The following HEXD variants were observed in gnomAD, a reference collection of about 807,000 sequenced individuals.
The protein encoded by HEXD is N-acetyl-beta-galactosaminidase.
In HEXD, 47 loss-of-function variants were observed where a neutral mutation model predicts 54.2. That is an observed-to-expected ratio of 0.87 (90% CI 0.69 to 1.11). The LOEUF (loss-of-function observed/expected upper bound fraction) is 1.11, where lower values mean the gene tolerates loss of function less well. Among genes scored for constraint, HEXD ranks in the 50% least tolerant of loss-of-function variants. The pLI is 0.00. For missense variants in HEXD, 576 were observed against 649.2 expected (o/e 0.89, Z 1.23); for synonymous variants, 293 against 287.6 (o/e 1.02, Z -0.19).
intron 2 of HEXD, chr17:82,420,167 A>G (rs1223303220): frequency 3.8e-6 from 1 of 266,020 alleles, no homozygotes; most frequent in East Asian, 7.8e-5. Flanking sequence ...AGATATGTTC[A>G]AGTCTTAACC....
At chr17:82,441,121 C>A (rs1426479453) in intron 10 of HEXD, 44 bp from the exon 11 acceptor site, 1 of 1,613,508 alleles carries the variant, frequency 6.2e-7, no homozygotes, top group Non-Finnish European at 8.5e-7. Context: ...CCCTCCCCTT[C>A]CCCCGCCCGT....
intron 4 of HEXD, among the ~76,000 whole-genome samples, chr17:82,430,261 C>G (rs2053538556): frequency 6.6e-6 from 1 of 152,226 alleles, no homozygotes. Flanking sequence ...CGCCACAAAC[C>G]AGGTGGCTTA....
At chr17:82,438,193 A>G (rs1489924917) in intron 8 of HEXD, among the ~76,000 whole-genome samples, 3 of 145,152 alleles carry the variant, frequency 2.1e-5, no homozygotes, top group Admixed American at 2.0e-4. Flanking sequence ...AGCCAAGATC[A>G]CACCGCTGCA....
At chr17:82,423,390 G>C (rs1262233287) in intron 2 of HEXD, 1 of 152,288 alleles carries the variant, frequency 6.6e-6, no homozygotes, top group Non-Finnish European at 1.5e-5. Flanking sequence ...CCTAGCATGT[G>C]CCTGTAGTCC....
chr17:82,441,257 A>G lies in HEXD; in HGVS notation c.1154A>G (p.Glu385Gly). 6.8e-7 allele frequency: 1 copy of G among 1,479,844 alleles called. No individual in the cohort carries two copies. Among genetic ancestry groups the G allele is most frequent in the Non-Finnish European group, 9.1e-7 (1 of 1,099,406 alleles). The allele number at this position is 1,479,844 out of a possible 1,614,324, so 91.7% of individuals were successfully genotyped here. The change falls in exon 11 of 13, where the codon GAG becomes GGG. Residue 385 changes from glutamate to glycine, a missense_variant. By Grantham distance (98) the Glu-to-Gly change is moderately conservative (BLOSUM62 -2). Transcript: ENST00000327949. ...HLRSSVDALLEGNRYVTGWFS... is the reference protein window; with the variant it reads ...HLRSSVDALLGGNRYVTGWFS... ...CGCAGCTCTGTGGATGCGCTGCTGG[A>G]GGGCAACAGGTGAGCGTGTGGGTTA...
intron 9 of HEXD, 88 bp from the exon 10 acceptor site, chr17:82,440,909 C>A (rs2053923746): frequency 1.4e-6 from 2 of 1,462,190 alleles, no homozygotes; most frequent in South Asian, 2.3e-5. Context: ...CCGCCCACTG[C>A]CCCAGTACCT....
Position 82,437,271 on chromosome 17 carries a change from GCAC to G in HEXD, c.812_814del (p.His271del), listed in dbSNP as rs1319054515. ...CCAGCCAGGCCGTGCCCCCTGTTGA[GCAC>G]CACCTCAGGAACCACGTGCAGTGGC... On this transcript the variant is annotated inframe_deletion, in exon 8 of 13. Coordinates refer to ENST00000327949, the MANE Select transcript of HEXD (RefSeq NM_001330542.2). 3.2e-5 allele frequency: 51 copies of G among 1,612,314 alleles called. No homozygotes were observed. Among genetic ancestry groups the G allele is most frequent in the Non-Finnish European group, 4.2e-5 (50 of 1,179,646 alleles).
At chr17:82,428,758 G>GCAGCGCAGCT in intron 4 of HEXD, 113 bp downstream of exon 4, 1 of 854,416 alleles carries the variant, frequency 1.2e-6, no homozygotes, top group East Asian at 2.4e-5. Flanking sequence ...TGGGGTGCAG[G>GCAGCGCAGCT]CAGCGCAGCT....
At chr17:82,440,307 C>T (rs1002544107) in intron 9 of HEXD, 28 of 1,262,044 alleles carry the variant, frequency 2.2e-5, no homozygotes, top group East Asian at 1.7e-4. Flanking sequence ...CCCGCAGGCG[C>T]GGCGGCCCAG....
rs560194425 is a variant in HEXD, at chr17:82,433,014, C to T, written c.283-644C>T. Among the ~76,000 whole-genome samples, 216 of 130,700 alleles carry T rather than the reference C, an allele frequency of 1.7e-3. 1 individual carries two copies. Among genetic ancestry groups the T allele is most frequent in the Middle Eastern group, 0.014 (3 of 216 alleles). The allele number at this position is 130,700 out of a possible 152,430, so 85.7% of individuals were successfully genotyped here. A position where few individuals can be genotyped will look rare whatever the true frequency, so the allele number is the denominator to read the frequency against. On this transcript the variant is annotated intron_variant, in intron 4 of 12. Coordinates refer to ENST00000327949, the MANE Select transcript of HEXD (RefSeq NM_001330542.2). Reference sequence around the variant, plus strand: ...CTGGGAGGCAGAGCTTGTAGTGAGCCGAGATCATGCCACTGCACTCCAGAC... The same window carrying T: ...CTGGGAGGCAGAGCTTGTAGTGAGCTGAGATCATGCCACTGCACTCCAGAC...
Position 82,418,635 on chromosome 17 carries a change from A to C in HEXD, c.-157A>C. ...CTGGGCTGGCGGCCAGGCCCGAGCA[A>C]TCGGCGGCCGAGCGGGGCGGGGCTC... On this transcript the variant is annotated 5_prime_UTR_variant, in exon 1 of 13. Coordinates refer to ENST00000327949, the MANE Select transcript of HEXD (RefSeq NM_001330542.2). The C allele has an allele frequency of 2.6e-5, 7 of 268,300 alleles. No individual in the cohort carries two copies. Among genetic ancestry groups the C allele is most frequent in the Non-Finnish European group, 4.6e-5 (7 of 153,170 alleles). The allele number at this position is 268,300 out of a possible 1,614,324, so 16.6% of individuals were successfully genotyped here.
chr17:82,439,246 C>T (rs951286779), intron 8 of HEXD, among the ~76,000 whole-genome samples: 5 of 152,160 alleles, frequency 3.3e-5, no homozygotes, highest in South Asian at 2.1e-4. Flanking sequence ...AGGAGGGGCC[C>T]GGAGGCCCTA....
intron 2 of HEXD, among the ~76,000 whole-genome samples, chr17:82,421,515 CAA>C (rs2053235176): frequency 6.6e-6 from 1 of 152,164 alleles, no homozygotes; most frequent in South Asian, 2.1e-4. Flanking sequence ...ATTGCAAACA[CAA>C]GAGCCTGTTC....
chr17:82,422,166 CAAAAAAA>C (rs767984716), intron 2 of HEXD, among the ~76,000 whole-genome samples: 55 of 65,970 alleles, frequency 8.3e-4, no homozygotes, highest in Admixed American at 3.8e-3. Context: ...GACTCTGTCT[CAAAAAAA>C]AAAAAAAAGA....
rs752490585 is a variant in HEXD, at chr17:82,442,475, C to T, written c.*91C>T. 1.2e-5 allele frequency: 20 copies of T among 1,606,044 alleles called. No homozygotes were observed. The highest frequency in any genetic ancestry group is 8.8e-5 in the South Asian group (8 of 90,980). On this transcript the variant is annotated 3_prime_UTR_variant, in exon 13 of 13. Transcript: ENST00000327949. The surrounding 1 kb of genome is among the most constrained non-coding windows in gnomAD (Gnocchi z 6.8). ...GGGCAATACGGGCCCACGTGGGCGT[C>T]GTGCCCTCTGGCCCAGCAGTGTCTT...
At position 82,437,263 on chromosome 17, in the gene HEXD, C is replaced by G. The variant is rs369707599; in HGVS notation, c.799C>G (p.Pro267Ala). Residue 267 changes from proline (P) to alanine (A), a missense_variant, in exon 8 of 13, where the codon CCT (proline) becomes GCT (alanine). Pro to Ala is a conservative substitution (Grantham distance 27). Coordinates refer to ENST00000327949, the MANE Select transcript of HEXD (RefSeq NM_001330542.2). ...GATGPSQAVP[P>A]VEHHLRNHVQ... ...CACGGGGCCCAGCCAGGCCGTGCCC[C>G]CTGTTGAGCACCACCTCAGGAACCA... The G allele has an allele frequency of 4.3e-5, 69 of 1,612,198 alleles. No individual in the cohort carries two copies. Among genetic ancestry groups the G allele is most frequent in the Middle Eastern group, 1.6e-4 (1 of 6,080 alleles).
At chr17:82,438,518 C>A (rs796989335) in intron 8 of HEXD, among the ~76,000 whole-genome samples, 50 of 152,336 alleles carry the variant, frequency 3.3e-4, no homozygotes, top group African/African-American at 1.2e-3. Context: ...CGCTCCCAGG[C>A]CCCTGCTCCC....
chr17:82,433,649 T>A lies in HEXD; in HGVS notation c.283-9T>A. 1 of 1,564,420 alleles carries A rather than the reference T, an allele frequency of 6.4e-7. No individual in the cohort carries two copies. The highest frequency in any genetic ancestry group is 8.6e-7 in the Non-Finnish European group (1 of 1,161,956). Reference sequence around the variant, plus strand: ...CGCCCCCAACGCGAACTTCTCTGTCTCTCCGCAGTTTGTGCTGAAGCACAC... The same window carrying A: ...CGCCCCCAACGCGAACTTCTCTGTCACTCCGCAGTTTGTGCTGAAGCACAC... On this transcript the variant is annotated splice_polypyrimidine_tract_variant and intron_variant, in intron 4 of 12. Transcript: ENST00000327949.
Position 82,434,139 on chromosome 17 carries a change from G to A in HEXD, c.447+317G>A, listed in dbSNP as rs779501561. ...GACCACCCCGGGCGGCTGGGCTGGCGGAAGCCTGTGGGTGATGGGCAGGTT... is the reference window on the plus strand; with the variant it reads ...GACCACCCCGGGCGGCTGGGCTGGCAGAAGCCTGTGGGTGATGGGCAGGTT... On this transcript the variant is annotated intron_variant, in intron 5 of 12. Coordinates refer to ENST00000327949, the MANE Select transcript of HEXD (RefSeq NM_001330542.2). The surrounding 1 kb of genome is among the most constrained non-coding windows in gnomAD (Gnocchi z 4.5). Among the ~76,000 whole-genome samples the A allele has an allele frequency of 8.5e-5, 13 of 152,248 alleles. No homozygotes were observed. Among genetic ancestry groups the A allele is most frequent in the Middle Eastern group, 3.2e-3 (1 of 316 alleles).
Sources: gnomAD v4.1 joint callset for allele counts (sites outside exome capture counted in the v4.1 genomes callset) on GRCh38, gnomAD v4.1.1 for gene constraint, Gnocchi (gnomAD v3.1) non-coding constraint, MANE v1.5 for transcripts, NCBI Gene and HGNC (gene_info 2026-07-23, HGNC 2026-07-21) for gene names.